The following NAV2 variants were observed in gnomAD, a reference collection of about 807,000 sequenced individuals.
NAV2 encodes the protein neuron navigator 2, also known as helicase, APC down-regulated 1.
A neutral mutation model predicts 223.2 loss-of-function variants in NAV2; 54 were observed. The ratio of observed to expected loss-of-function variants is 0.24; its 90% CI spans 0.19 to 0.30. NAV2 has a LOEUF of 0.30. Among genes scored for constraint, NAV2 ranks in the 10% least tolerant of loss-of-function variants. The pLI, the probability that NAV2 is intolerant of heterozygous loss-of-function variation, is 1.00. For synonymous variants in NAV2, 1,279 were observed against 1,239.3 expected (o/e 1.03, Z -0.67); for missense variants, 2,806 against 3,147.5 (o/e 0.89, Z 2.60).
chr11:19,582,073 G>A (rs1385465142), intron 1 of NAV2, among the ~76,000 whole-genome samples: 1 of 152,164 alleles, frequency 6.6e-6, no homozygotes, highest in Admixed American at 6.5e-5. Flanking sequence ...GGTATGAGAT[G>A]GTATCTCATT....
In NAV2 at chr11:19,998,704, T is replaced by TG. The variant is rs113465016; in HGVS notation, c.2768+14457_2768+14458insG. Among the ~76,000 whole-genome samples, 11 of 151,798 alleles carry TG rather than the reference T, an allele frequency of 7.2e-5. No individual in the cohort carries two copies. Among genetic ancestry groups the TG allele is most frequent in the South Asian group, 2.1e-4 (1 of 4,804 alleles). Reference sequence around the variant, plus strand: ...CTGTCCCCTCTGCATAGACTGTGCTTCCCCCCCTCTCTCCTTTTCTCCTTA... The same window carrying TG: ...CTGTCCCCTCTGCATAGACTGTGCTTGCCCCCCCTCTCTCCTTTTCTCCTTA... On this transcript the variant is annotated intron_variant, in intron 11 of 37. Transcript: ENST00000349880. The surrounding 1 kb of genome is among the most constrained non-coding windows in gnomAD (Gnocchi z 5.0).
At chr11:19,415,566 A>G (rs1047517190) in intron 1 of NAV2, among the ~76,000 whole-genome samples, 3 of 152,236 alleles carry the variant, frequency 2.0e-5, no homozygotes, top group African/African-American at 7.2e-5. Context: ...ACAGTAGAAA[A>G]AGAGGGAATC....
intron 25 of NAV2, among the ~76,000 whole-genome samples, chr11:20,080,411 C>G (rs966621265): frequency 2.0e-5 from 3 of 152,172 alleles, no homozygotes; most frequent in Admixed American, 1.3e-4. Context: ...CTGTAACATC[C>G]CTACCACTTT....
chr11:19,778,591 A>G (rs2056484126), intron 1 of NAV2, among the ~76,000 whole-genome samples: 1 of 152,236 alleles, frequency 6.6e-6, no homozygotes, highest in African/African-American at 2.4e-5. Flanking sequence ...AAGATGCTAA[A>G]TCAACCAAAG....
chr11:20,103,468 G>A, intron 33 of NAV2, 59 bp downstream of exon 33: 2 of 1,574,922 alleles, frequency 1.3e-6, no homozygotes, highest in Non-Finnish European at 8.7e-7. Context: ...AGCTGATGGG[G>A]CACTGTGCAC....
intron 1 of NAV2, among the ~76,000 whole-genome samples, chr11:19,614,972 C>T (rs1286922805): frequency 6.6e-6 from 1 of 152,088 alleles, no homozygotes; most frequent in Non-Finnish European, 1.5e-5. Context: ...TTCTGTCCCA[C>T]CCCCAGTGCT....
chr11:19,888,298 C>A (rs764261058), intron 5 of NAV2, among the ~76,000 whole-genome samples: 7 of 152,134 alleles, frequency 4.6e-5, no homozygotes, highest in Admixed American at 1.3e-4. Flanking sequence ...GCAGGGTTGA[C>A]CTGCCACGCT....
At chr11:19,588,666 G>C (rs1006070929) in intron 1 of NAV2, among the ~76,000 whole-genome samples, 1 of 152,118 alleles carries the variant, frequency 6.6e-6, no homozygotes, top group African/African-American at 2.4e-5. Context: ...GAGGCAGAAT[G>C]AAAAAGGATA....
chr11:19,349,229 G>A (rs754063528), upstream of NAV2, among the ~76,000 whole-genome samples: 7 of 152,192 alleles, frequency 4.6e-5, no homozygotes, highest in Non-Finnish European at 8.8e-5. Context: ...CTGGCCGAGT[G>A]TTTCACGTGT....
chr11:19,408,685 C>T (rs1035785959), intron 1 of NAV2, among the ~76,000 whole-genome samples: 4 of 152,182 alleles, frequency 2.6e-5, no homozygotes, highest in Admixed American at 2.0e-4. Flanking sequence ...GAATTATTAT[C>T]CCTATTTTAC....
At chr11:19,636,311 C>A (rs16937060) in intron 1 of NAV2, among the ~76,000 whole-genome samples, 9,030 of 152,158 alleles carry the variant, frequency 0.059, 862 homozygotes, top group African/African-American at 0.19. Context: ...TACAAAGCGG[C>A]TCTTGGTCTG....
At chr11:19,802,671 C>T (rs773150456) in intron 1 of NAV2, among the ~76,000 whole-genome samples, 2 of 146,978 alleles carry the variant, frequency 1.4e-5, no homozygotes, top group Non-Finnish European at 3.0e-5. Context: ...GCTCATGCCA[C>T]CATACTCCAG....
chr11:19,554,787 A>G (rs1193408216), intron 1 of NAV2, among the ~76,000 whole-genome samples: 1 of 151,926 alleles, frequency 6.6e-6, no homozygotes, highest in Admixed American at 6.6e-5. Context: ...ACCAACATGG[A>G]GAAACCCCGT....
At chr11:20,061,337 A>AGCTGGGTGGATCACCTGAG (rs74188385) in intron 19 of NAV2, among the ~76,000 whole-genome samples, 55,807 of 151,390 alleles carry the variant, frequency 0.37, 12,135 homozygotes, top group Non-Finnish European at 0.51. Context: ...TGGGAGGCCA[A>AGCTGGGTGGATCACCTGAG]GCTGGGTGGA....
At chr11:19,480,623 A>G (rs777691104) in intron 1 of NAV2, among the ~76,000 whole-genome samples, 1 of 152,224 alleles carries the variant, frequency 6.6e-6, no homozygotes, top group Non-Finnish European at 1.5e-5. Flanking sequence ...AAATCATCAT[A>G]CTAATCATGA....
At chr11:19,865,894 G>T (rs1279890531) in intron 3 of NAV2, among the ~76,000 whole-genome samples, 2 of 152,130 alleles carry the variant, frequency 1.3e-5, no homozygotes, top group African/African-American at 2.4e-5. Context: ...CAGGAATCAA[G>T]GTGTGTGTTG....
At chr11:19,658,468 G>A (rs971554982) in intron 1 of NAV2, among the ~76,000 whole-genome samples, 1 of 152,070 alleles carries the variant, frequency 6.6e-6, no homozygotes, top group Non-Finnish European at 1.5e-5. Context: ...ATGCTGACGG[G>A]GTCTTTGCAT....
At chr11:19,826,618 G>C (rs1208879802) in intron 1 of NAV2, among the ~76,000 whole-genome samples, 1 of 152,142 alleles carries the variant, frequency 6.6e-6, no homozygotes. Flanking sequence ...AATAAATCTA[G>C]GTGTTTTCTT....
At chr11:19,758,538 C>T (rs2054432968) in intron 1 of NAV2, among the ~76,000 whole-genome samples, 1 of 152,166 alleles carries the variant, frequency 6.6e-6, no homozygotes, top group African/African-American at 2.4e-5. Context: ...ACCAGGAATC[C>T]ATCCCCACCA....
Sources: gnomAD v4.1 joint callset for allele counts (sites outside exome capture counted in the v4.1 genomes callset) on GRCh38, gnomAD v4.1.1 for gene constraint, Gnocchi (gnomAD v3.1) non-coding constraint, MANE v1.5 for transcripts, NCBI Gene and HGNC (gene_info 2026-07-23, HGNC 2026-07-21) for gene names.